Variants in TCF7L1 observed in about 807,000 individuals in gnomAD.
TCF7L1 encodes the protein transcription factor 7 like 1.
In TCF7L1, 18 loss-of-function variants were observed where a neutral mutation model predicts 63.7. That is an observed-to-expected ratio of 0.28 (90% CI 0.20 to 0.42). The LOEUF (loss-of-function observed/expected upper bound fraction) is 0.42. Ranked by LOEUF, TCF7L1 falls within the 10% of genes least tolerant of loss-of-function variation. TCF7L1 has a pLI of 1.00. For missense variants in TCF7L1, 654 were observed against 779.3 expected, an observed-to-expected ratio of 0.84 and a Z score of 1.91; for synonymous variants, 355 against 340.9, an observed-to-expected ratio of 1.04 and a Z score of -0.46.
At chr2:85,200,275 G>C (rs1679244110) in intron 3 of TCF7L1, among the ~76,000 whole-genome samples, 1 of 152,118 alleles carries the variant, frequency 6.6e-6, no homozygotes, top group Non-Finnish European at 1.5e-5. Flanking sequence ...GTTGACCTTT[G>C]AACTATGCAG....
At chr2:85,281,288 G>A (rs1681413137) in intron 3 of TCF7L1, among the ~76,000 whole-genome samples, 1 of 152,148 alleles carries the variant, frequency 6.6e-6, no homozygotes, top group Admixed American at 6.5e-5. Context: ...GCCTCCCAAA[G>A]TGCTGGGATT....
intron 3 of TCF7L1, among the ~76,000 whole-genome samples, chr2:85,247,434 G>A (rs1573008742): frequency 6.6e-6 from 1 of 152,280 alleles, no homozygotes; most frequent in African/African-American, 2.4e-5. Flanking sequence ...TTATAAGAAG[G>A]AATCTCTTCC....
chr2:85,154,910 G>A (rs528070757), intron 3 of TCF7L1, among the ~76,000 whole-genome samples: 5 of 152,140 alleles, frequency 3.3e-5, no homozygotes, highest in East Asian at 3.9e-4. Context: ...TCTGCCTCCC[G>A]GGTTCAAGCA....
At chr2:85,265,268 G>A (rs882883) in intron 3 of TCF7L1, among the ~76,000 whole-genome samples, 2 of 151,238 alleles carry the variant, frequency 1.3e-5, no homozygotes, top group East Asian at 1.9e-4. Flanking sequence ...CACTCTGATC[G>A]CACATTAATA....
intron 3 of TCF7L1, among the ~76,000 whole-genome samples, chr2:85,229,114 A>G (rs1238900086): frequency 1.3e-5 from 2 of 152,026 alleles, no homozygotes; most frequent in Non-Finnish European, 2.9e-5. Context: ...TGGGAGGCTG[A>G]GGCGTGCGGA....
intron 3 of TCF7L1, among the ~76,000 whole-genome samples, chr2:85,268,545 T>C (rs913015444): frequency 3.5e-5 from 5 of 143,994 alleles, no homozygotes; most frequent in Admixed American, 7.2e-5. Flanking sequence ...ACGATTTCGG[T>C]TCACTGCAAC....
At chr2:85,281,414 T>C (rs1681419483) in intron 3 of TCF7L1, among the ~76,000 whole-genome samples, 1 of 152,212 alleles carries the variant, frequency 6.6e-6, no homozygotes, top group African/African-American at 2.4e-5. Flanking sequence ...TGAAAATGCT[T>C]TGACAAGTGC....
At chr2:85,268,872 G>A (rs1681076921) in intron 3 of TCF7L1, among the ~76,000 whole-genome samples, 2 of 152,186 alleles carry the variant, frequency 1.3e-5, no homozygotes, top group Admixed American at 1.3e-4. Flanking sequence ...GGGCAGCAGG[G>A]TGTGTGACCG....
intron 3 of TCF7L1, among the ~76,000 whole-genome samples, chr2:85,200,141 C>T (rs528353638): frequency 4.6e-5 from 7 of 152,092 alleles, no homozygotes; most frequent in African/African-American, 7.2e-5. Context: ...TTTTGTTTGT[C>T]GATTCATCCA....
chr2:85,282,793 A>ATTGT (rs1681448094), intron 3 of TCF7L1, among the ~76,000 whole-genome samples: 2 of 56,574 alleles, frequency 3.5e-5, no homozygotes, highest in African/African-American at 1.3e-4. Flanking sequence ...AGAGAGAGAG[A>ATTGT]TTGTGTGTGT....
At chr2:85,142,563 A>G (rs1476419781) in intron 3 of TCF7L1, among the ~76,000 whole-genome samples, 1 of 151,916 alleles carries the variant, frequency 6.6e-6, no homozygotes, top group Non-Finnish European at 1.5e-5. Flanking sequence ...TATTGAAGTG[A>G]TAAGTAACTG....
At chr2:85,267,378 G>A (rs1389376146) in intron 3 of TCF7L1, among the ~76,000 whole-genome samples, 1 of 149,428 alleles carries the variant, frequency 6.7e-6, no homozygotes, top group African/African-American at 2.5e-5. Context: ...GGCTGGGCAT[G>A]GTGGCTCACA....
intron 4 of TCF7L1, among the ~76,000 whole-genome samples, chr2:85,295,412 G>C (rs1681819179): frequency 2.0e-5 from 3 of 152,110 alleles, no homozygotes; most frequent in South Asian, 2.1e-4. Flanking sequence ...TGTTGGTCAG[G>C]CTGGTCTCGA....
At chr2:85,307,609 C>A in intron 10 of TCF7L1, 33 bp from the exon 11 acceptor site, 2 of 1,601,404 alleles carry the variant, frequency 1.2e-6, no homozygotes, top group Non-Finnish European at 1.7e-6. Context: ...TCTTCTCTCC[C>A]AGCTTACCTC....
chr2:85,286,558 C>T (rs935969358), intron 4 of TCF7L1, among the ~76,000 whole-genome samples: 45 of 152,072 alleles, frequency 3.0e-4, no homozygotes, highest in African/African-American at 1.1e-3. Flanking sequence ...TGCAATGGCG[C>T]GATCTTGGCT....
intron 3 of TCF7L1, among the ~76,000 whole-genome samples, chr2:85,241,454 T>G (rs1442006455): frequency 4.5e-4 from 63 of 139,958 alleles, no homozygotes; most frequent in African/African-American, 6.3e-4. Context: ...TTTTTTTTTT[T>G]TTTTTTTTTT....
At position 85,254,065 on chromosome 2, in the gene TCF7L1, C is replaced by T. The variant is rs370969637; in HGVS notation, c.442-29430C>T. On this transcript the variant is annotated intron_variant, in intron 3 of 11. Transcript: ENST00000282111. ...CCCATGAAGGGCTCATGGCCTGGAG[C>T]GGGTGGGAGGGCAGGAAGCCCAGCT... 2.2e-3 allele frequency among the ~76,000 whole-genome samples: 334 copies of T among 152,308 alleles called. 2 individuals carry two copies. Among genetic ancestry groups the T allele is most frequent in the African/African-American group, 7.1e-3 (297 of 41,582 alleles).
chr2:85,236,943 C>T (rs1394203893), intron 3 of TCF7L1, among the ~76,000 whole-genome samples: 5 of 152,162 alleles, frequency 3.3e-5, no homozygotes, highest in African/African-American at 9.7e-5. Context: ...TCTTTGCATC[C>T]CTCAGACCCC....
intron 3 of TCF7L1, among the ~76,000 whole-genome samples, chr2:85,281,320 G>A (rs1036339797): frequency 6.6e-5 from 10 of 152,070 alleles, no homozygotes; most frequent in South Asian, 2.1e-4. Context: ...CACTGCGCCC[G>A]GCCTAGCTCC....
Sources: gnomAD v4.1 joint callset for allele counts (sites outside exome capture counted in the v4.1 genomes callset) on GRCh38, gnomAD v4.1.1 for gene constraint, MANE v1.5 for transcripts, NCBI Gene and HGNC (gene_info 2026-07-23, HGNC 2026-07-21) for gene names.